Variants in ABCD3 observed in about 807,000 individuals in gnomAD.
ABCD3 encodes the protein ATP-binding cassette sub-family D member 3.
A neutral mutation model predicts 105.5 loss-of-function variants in ABCD3; 41 were observed. The observed-to-expected ratio is 0.39, with a 90% CI of 0.30 to 0.50. The LOEUF (loss-of-function observed/expected upper bound fraction) is 0.50. ABCD3 is among the 20% of genes least tolerant of loss of function. The pLI is 0.84. For missense variants in ABCD3, 622 were observed against 806.3 expected (o/e 0.77, Z 2.77); for synonymous variants, 258 against 269.0 (o/e 0.96, Z 0.40).
At chr1:94,427,726 T>C (rs1046007976) in intron 1 of ABCD3, among the ~76,000 whole-genome samples, 16 of 152,350 alleles carry the variant, frequency 1.1e-4, no homozygotes, top group South Asian at 1.0e-3. Context: ...TCGCCTGCCT[T>C]GTTCTCCCAA....
intron 1 of ABCD3, among the ~76,000 whole-genome samples, chr1:94,432,044 A>G (rs1292544233): frequency 8.5e-5 from 13 of 152,160 alleles, no homozygotes; most frequent in African/African-American, 3.1e-4. Context: ...TTCTGTATGT[A>G]TTTTATGACT....
chr1:94,428,705 C>T (rs1374203375), intron 1 of ABCD3, among the ~76,000 whole-genome samples: 1 of 152,082 alleles, frequency 6.6e-6, no homozygotes, highest in Non-Finnish European at 1.5e-5. Flanking sequence ...TCCTCTTTGC[C>T]TTCCACCAGC....
intron 1 of ABCD3, among the ~76,000 whole-genome samples, chr1:94,444,746 C>T (rs922588927): frequency 4.6e-5 from 7 of 152,160 alleles, no homozygotes; most frequent in African/African-American, 1.7e-4. Flanking sequence ...CTGGGCAGTT[C>T]CTCTGCTGGT....
the ABCD3 span, among the ~76,000 whole-genome samples, chr1:94,395,929 CAG>C: frequency 6.6e-6 from 1 of 152,192 alleles, no homozygotes; most frequent in African/African-American, 2.4e-5. Context: ...GACAGACAGA[CAG>C]AAACACTTTC....
At chr1:94,459,508 T>G (rs1392012766) in intron 2 of ABCD3, among the ~76,000 whole-genome samples, 1 of 152,198 alleles carries the variant, frequency 6.6e-6, no homozygotes, top group Non-Finnish European at 1.5e-5. Flanking sequence ...TTTTAATTCT[T>G]TAACCGTAAC....
upstream of ABCD3, among the ~76,000 whole-genome samples, chr1:94,414,272 G>C (rs529992578): frequency 6.6e-6 from 1 of 152,130 alleles, no homozygotes; most frequent in Non-Finnish European, 1.5e-5. Context: ...CTGTGTCTCC[G>C]ACCTTGGGTA....
intron 1 of ABCD3, among the ~76,000 whole-genome samples, chr1:94,433,169 T>C (rs1164346970): frequency 1.3e-5 from 2 of 151,352 alleles, no homozygotes; most frequent in African/African-American, 2.4e-5. Context: ...TTTTTTTTTT[T>C]TCCAGACATA....
intron 2 of ABCD3, among the ~76,000 whole-genome samples, chr1:94,459,980 A>G (rs1450218661): frequency 6.6e-6 from 1 of 152,186 alleles, no homozygotes; most frequent in Non-Finnish European, 1.5e-5. Context: ...GTATGCATAT[A>G]CCACATTATG....
At chr1:94,418,868 G>A in intron 1 of ABCD3, 2 of 511,252 alleles carry the variant, frequency 3.9e-6, no homozygotes, top group Middle Eastern at 5.2e-4. Context: ...CTCAGGCAGC[G>A]GCCTCCAGTT....
chr1:94,506,514 C>T (rs1650359652), intron 20 of ABCD3, 24 bp from the exon 21 acceptor site: 6 of 1,547,608 alleles, frequency 3.9e-6, no homozygotes, highest in Non-Finnish European at 4.5e-6. Context: ...GTGTTTTACA[C>T]AAAAAATTTT....
At chr1:94,406,345 T>TG in the ABCD3 span, 8 of 217,042 alleles carry the variant, frequency 3.7e-5, no homozygotes, top group South Asian at 7.4e-5. Context: ...GTTTTGTTTT[T>TG]TTTTTTTTTT....
chr1:94,498,313 C>T (rs1341273250), intron 16 of ABCD3, among the ~76,000 whole-genome samples: 1 of 152,050 alleles, frequency 6.6e-6, no homozygotes, highest in East Asian at 1.9e-4. Flanking sequence ...TTCAAGCGAT[C>T]CTCCTGCCTT....
At chr1:94,402,652 C>G in the ABCD3 span, among the ~76,000 whole-genome samples, 1 of 152,308 alleles carries the variant, frequency 6.6e-6, no homozygotes, top group African/African-American at 2.4e-5. Context: ...CCTCTACCCC[C>G]TTCACGCTCT....
chr1:94,426,780 G>T (rs1254791531), intron 1 of ABCD3, among the ~76,000 whole-genome samples: 7 of 151,420 alleles, frequency 4.6e-5, no homozygotes, highest in Non-Finnish European at 8.8e-5. Context: ...CCTGACCTCA[G>T]GTGATCTGCC....
At chr1:94,451,841 A>G (rs1647273602) in intron 1 of ABCD3, among the ~76,000 whole-genome samples, 1 of 152,136 alleles carries the variant, frequency 6.6e-6, no homozygotes, top group African/African-American at 2.4e-5. Context: ...TTGCCATTTG[A>G]GATATCAGTT....
intron 1 of ABCD3, among the ~76,000 whole-genome samples, chr1:94,458,208 T>C (rs1437982068): frequency 6.6e-6 from 1 of 152,150 alleles, no homozygotes; most frequent in Non-Finnish European, 1.5e-5. Context: ...TTCCCAGCAG[T>C]AAGAGGGAGC....
intron 3 of ABCD3, among the ~76,000 whole-genome samples, chr1:94,466,903 A>G (rs1470542891): frequency 6.6e-6 from 1 of 152,156 alleles, no homozygotes; most frequent in Non-Finnish European, 1.5e-5. Flanking sequence ...TTCTTCCCTT[A>G]CTTTAACTTC....
chr1:94,509,773 C>T (rs951447552), intron 21 of ABCD3, among the ~76,000 whole-genome samples: 3 of 152,090 alleles, frequency 2.0e-5, no homozygotes, highest in African/African-American at 4.8e-5. Context: ...AGTTTATTTG[C>T]GTAGAGGTGT....
intron 21 of ABCD3, among the ~76,000 whole-genome samples, chr1:94,511,714 C>A (rs1650681671): frequency 6.6e-6 from 1 of 152,006 alleles, no homozygotes; most frequent in South Asian, 2.1e-4. Flanking sequence ...TTTCTCTAAA[C>A]TTCCCTTCTC....
Sources: allele counts gnomAD v4.1 joint callset (sites outside exome capture counted in the v4.1 genomes callset), GRCh38; gene constraint gnomAD v4.1.1; transcripts MANE v1.5; gene names NCBI Gene and HGNC (gene_info 2026-07-23, HGNC 2026-07-21).